ERICH1: variants seen among roughly 807,000 people sequenced by gnomAD.
ERICH1 encodes the protein glutamate-rich protein 1.
A neutral mutation model predicts 39.6 loss-of-function variants in ERICH1; 56 were observed. The observed-to-expected ratio is 1.41, with a 90% CI of 1.14 to 1.77. The LOEUF (loss-of-function observed/expected upper bound fraction) is 1.77. ERICH1 is among the 40% of genes most tolerant of loss of function. The pLI is 0.00. For missense variants in ERICH1, 826 were observed against 575.4 expected (o/e 1.44, Z -4.45); for synonymous variants, 313 against 223.6 (o/e 1.40, Z -3.57).
intron 5 of ERICH1, chr8:666,889 C>T (rs1802339459): frequency 6.6e-6 from 1 of 152,598 alleles, no homozygotes; most frequent in Admixed American, 6.5e-5. Context: ...AGCTGCCTAA[C>T]CTGTGGCTGC....
intron 3 of ERICH1, among the ~76,000 whole-genome samples, chr8:637,183 T>A (rs1798506334): frequency 6.6e-6 from 1 of 152,228 alleles, no homozygotes; most frequent in African/African-American, 2.4e-5. Context: ...TCAGCCCTGC[T>A]GGAAACAGGC....
intron 3 of ERICH1, among the ~76,000 whole-genome samples, chr8:629,882 C>A (rs1475942169): frequency 7.6e-6 from 1 of 131,486 alleles, no homozygotes; most frequent in South Asian, 2.5e-4. Flanking sequence ...GACTCACACC[C>A]TCCTGTGAGC....
chr8:633,819 G>A (rs941151914), intron 3 of ERICH1, among the ~76,000 whole-genome samples: 1 of 152,204 alleles, frequency 6.6e-6, no homozygotes, highest in Non-Finnish European at 1.5e-5. Context: ...GATGGTGCTG[G>A]GAAACAGGAC....
chr8:650,308 C>T (rs1799786291), intron 3 of ERICH1, among the ~76,000 whole-genome samples: 1 of 152,250 alleles, frequency 6.6e-6, no homozygotes, highest in African/African-American at 2.4e-5. Flanking sequence ...TGGGTCTCCC[C>T]GTTCCAACTT....
At chr8:699,852 C>A (rs1811393823) in intron 2 of ERICH1, among the ~76,000 whole-genome samples, 2 of 116,054 alleles carry the variant, frequency 1.7e-5, no homozygotes, top group Non-Finnish European at 3.8e-5. Context: ...CACAGACCCG[C>A]ACACGCGCAC....
intron 2 of ERICH1, among the ~76,000 whole-genome samples, chr8:699,061 T>C (rs1220738379): frequency 6.6e-6 from 1 of 151,868 alleles, no homozygotes; most frequent in African/African-American, 2.4e-5. Flanking sequence ...GCCAGGACCA[T>C]GCCTGAAAAG....
downstream of ERICH1, among the ~76,000 whole-genome samples, chr8:661,841 T>C (rs538017813): frequency 6.6e-6 from 1 of 152,318 alleles, no homozygotes; most frequent in East Asian, 1.9e-4. Flanking sequence ...TTTCGCAAAG[T>C]AAAGCCCCAC....
chr8:691,589 C>T (rs1808930012), intron 3 of ERICH1, among the ~76,000 whole-genome samples: 1 of 152,256 alleles, frequency 6.6e-6, no homozygotes, highest in Non-Finnish European at 1.5e-5. Context: ...TAAGAACGCA[C>T]ATTTTCTAGT....
intron 3 of ERICH1, among the ~76,000 whole-genome samples, chr8:683,559 C>T (rs1806629595): frequency 6.6e-6 from 1 of 152,198 alleles, no homozygotes; most frequent in Non-Finnish European, 1.5e-5. Flanking sequence ...CCAAAGACAA[C>T]AAGGGAGGCA....
At chr8:640,885 A>C (rs1476590058) in intron 3 of ERICH1, 1 of 152,222 alleles carries the variant, frequency 6.6e-6, no homozygotes, top group Admixed American at 6.5e-5. Flanking sequence ...TTTTCTTAAA[A>C]ATCTCAACTT....
At chr8:725,123 C>T (rs1585720916) in intron 1 of ERICH1, 2 of 177,262 alleles carry the variant, frequency 1.1e-5, no homozygotes, top group African/African-American at 2.4e-5. Flanking sequence ...TCTGCTGTCC[C>T]CTCCAGCCTC....
chr8:713,303 A>G (rs1213749181), intron 2 of ERICH1, among the ~76,000 whole-genome samples: 4 of 152,258 alleles, frequency 2.6e-5, no homozygotes, highest in African/African-American at 9.6e-5. Flanking sequence ...GGGGAGCGCA[A>G]TTCAGCCTAT....
At chr8:630,046 C>G (rs1486950364) in intron 3 of ERICH1, among the ~76,000 whole-genome samples, 1 of 89,322 alleles carries the variant, frequency 1.1e-5, no homozygotes. Flanking sequence ...TGACCACCCA[C>G]ACAGACAGAG....
Position 715,974 on chromosome 8 carries a change from G to C in ERICH1, c.56C>G (p.Pro19Arg). Residue 19 changes from proline (P) to arginine (R), a missense_variant, in exon 2 of 6, where the codon CCT becomes CGT. Pro to Arg is a moderately radical substitution (Grantham distance 103). Coordinates refer to ENST00000262109, the MANE Select transcript of ERICH1 (RefSeq NM_207332.3). The part of the protein sequence containing the change: ...FVEKVLQRLF[P>R]PVPSGQGKRE... ...CTTTCCTTGGCCACTTGGAACAGGA[G>C]GAAAAAGTCTCTGCAGCACCTTCTC... 6.2e-7 allele frequency: 1 copy of C among 1,612,922 alleles called. No homozygotes were observed.
intron 3 of ERICH1, among the ~76,000 whole-genome samples, chr8:630,816 G>C (rs1490335430): frequency 1.5e-5 from 2 of 134,976 alleles, no homozygotes; most frequent in Non-Finnish European, 3.1e-5. Context: ...CACCCACACA[G>C]ACAGAGCTGA....
rs1819935462 is a variant in ERICH1 at position 731,217 on chromosome 8, T to C, written c.-56A>G. 1.5e-5 allele frequency: 21 copies of C among 1,416,404 alleles called. No homozygotes were observed. Among genetic ancestry groups the C allele is most frequent in the Non-Finnish European group, 1.8e-5 (20 of 1,086,506 alleles). The allele number at this position is 1,416,404 out of a possible 1,614,324, so 87.7% of individuals were successfully genotyped here. A position where few individuals can be genotyped will look rare whatever the true frequency, so the allele number is the denominator to read the frequency against. ...GCGCGCGGTCCTGAGCTGAGCGCCG[T>C]GCCTTCCGGGTTCCGCCCTCCTGGG... On this transcript the variant is annotated 5_prime_UTR_variant, in exon 1 of 6. Coordinates refer to ENST00000262109, the MANE Select transcript of ERICH1 (RefSeq NM_207332.3).
chr8:713,523 A>G (rs1306442013), intron 2 of ERICH1, among the ~76,000 whole-genome samples: 2 of 152,122 alleles, frequency 1.3e-5, no homozygotes, highest in Non-Finnish European at 2.9e-5. Flanking sequence ...CGTGAAGGGA[A>G]CTTTTTCCTT....
At chr8:728,844 C>A (rs772388224) in intron 1 of ERICH1, among the ~76,000 whole-genome samples, 2 of 152,170 alleles carry the variant, frequency 1.3e-5, no homozygotes, top group Non-Finnish European at 2.9e-5. Context: ...ATTAATCCTG[C>A]AGAGTTTTGC....
At chr8:634,059 C>G (rs916723776) in intron 3 of ERICH1, among the ~76,000 whole-genome samples, 7 of 149,018 alleles carry the variant, frequency 4.7e-5, no homozygotes, top group African/African-American at 1.5e-4. Flanking sequence ...TTTCGTCCAT[C>G]AAATGACATT....
Sources: gnomAD v4.1 joint callset for allele counts (sites outside exome capture counted in the v4.1 genomes callset) on GRCh38, gnomAD v4.1.1 for gene constraint, MANE v1.5 for transcripts, NCBI Gene and HGNC (gene_info 2026-07-23, HGNC 2026-07-21) for gene names.